LRRC2: variants seen among roughly 807,000 people sequenced by gnomAD.
LRRC2 encodes the protein leucine-rich repeat-containing protein 2.
In LRRC2, 27 loss-of-function variants were observed where a neutral mutation model predicts 40.2. The observed-to-expected ratio is 0.67, with a 90% CI of 0.49 to 0.93. The LOEUF is 0.93. Ranked by LOEUF, LRRC2 falls within the 40% of genes least tolerant of loss-of-function variation. The probability of loss-of-function intolerance (pLI) is 0.00; values close to 1 mark genes in which losing one functional copy is unlikely to be tolerated. For synonymous variants in LRRC2, 147 were observed against 158.9 expected (o/e 0.92, Z 0.56); for missense variants, 402 against 439.6 (o/e 0.91, Z 0.76).
chr3:46,551,711 G>T, intron 1 of LRRC2, 101 bp from the exon 2 acceptor site: 1 of 721,526 alleles, frequency 1.4e-6, no homozygotes, highest in Non-Finnish European at 2.0e-6. Flanking sequence ...TTGGCTTAAG[G>T]AATGATGATA....
rs1189312354 is a variant in LRRC2 at position 46,532,878 on chromosome 3, C to T, written c.522G>A (p.Val174=). The T allele has an allele frequency of 3.1e-6, 5 of 1,613,928 alleles. No individual in the cohort carries two copies. The highest frequency in any genetic ancestry group is 4.2e-6 in the Non-Finnish European group (5 of 1,179,916). The part of the protein sequence containing the change: ...GCLKNLKELN[V]GFNYLKSIPP... ...GAATGCTCTTCAGATAGTTGAAACC[C>T]ACATTGAGTTCTTTCAGGTTCTTCA... The change falls in exon 5 of 9, where the codon GTG becomes GTA. Residue 174 remains valine (V), a synonymous_variant. Transcript: ENST00000395905.
At chr3:46,565,741 G>A (rs1040225256) in intron 1 of LRRC2, among the ~76,000 whole-genome samples, 9 of 152,216 alleles carry the variant, frequency 5.9e-5, no homozygotes, top group African/African-American at 2.2e-4. Flanking sequence ...GACGCTGGAA[G>A]AAAAGACTTC....
chr3:46,528,189 G>A (rs981304779), intron 6 of LRRC2, among the ~76,000 whole-genome samples: 9 of 152,118 alleles, frequency 5.9e-5, no homozygotes, highest in African/African-American at 2.2e-4. Flanking sequence ...TGTCCCTTCC[G>A]AGAGTCTACT....
intron 3 of LRRC2, among the ~76,000 whole-genome samples, chr3:46,542,526 A>G (rs1205073501): frequency 1.4e-5 from 2 of 138,834 alleles, no homozygotes; most frequent in African/African-American, 5.2e-5. Flanking sequence ...AAAAAAGAAG[A>G]AAAGAAAAAA....
At chr3:46,528,120 G>C (rs1704091782) in intron 6 of LRRC2, among the ~76,000 whole-genome samples, 1 of 152,176 alleles carries the variant, frequency 6.6e-6, no homozygotes, top group South Asian at 2.1e-4. Context: ...AGCTATAGCA[G>C]CGGGATAAGC....
intron 2 of LRRC2, among the ~76,000 whole-genome samples, chr3:46,548,450 TA>T (rs1427376516): frequency 6.6e-6 from 1 of 152,202 alleles, no homozygotes; most frequent in African/African-American, 2.4e-5. Context: ...TTAAAATAAA[TA>T]AAATTCGTTG....
At chr3:46,541,761 C>T (rs940993179) in intron 3 of LRRC2, among the ~76,000 whole-genome samples, 3 of 152,126 alleles carry the variant, frequency 2.0e-5, no homozygotes, top group African/African-American at 7.2e-5. Flanking sequence ...AGAACCTTGA[C>T]CCCCATCCAT....
intron 1 of LRRC2, among the ~76,000 whole-genome samples, chr3:46,555,782 A>G (rs1455189380): frequency 6.6e-6 from 1 of 152,220 alleles, no homozygotes; most frequent in African/African-American, 2.4e-5. Context: ...TGATATTTAT[A>G]TGTTCCTGTT....
In LRRC2 at chr3:46,517,457, T is replaced by TG. The variant is rs895064564; in HGVS notation, c.*1556dup. 1 of 152,200 alleles carries TG rather than the reference T, an allele frequency of 6.6e-6. No individual in the cohort carries two copies. The highest frequency in any genetic ancestry group is 6.5e-5 in the Admixed American group (1 of 15,272). The allele number at this position is 152,200 out of a possible 1,614,324, so 9.4% of individuals were successfully genotyped here. A position where few individuals can be genotyped will look rare whatever the true frequency, so the allele number is the denominator to read the frequency against. On this transcript the variant is annotated 3_prime_UTR_variant, in exon 9 of 9. Coordinates refer to ENST00000395905, the MANE Select transcript of LRRC2 (RefSeq NM_024512.5). ...TTCCCACCTCAGCCTCCTGAGTAGC[T>TG]GGGACCACAGGCACATGCCACCACA...
At chr3:46,549,189 T>A (rs1258027967) in intron 2 of LRRC2, among the ~76,000 whole-genome samples, 1 of 152,240 alleles carries the variant, frequency 6.6e-6, no homozygotes, top group Non-Finnish European at 1.5e-5. Flanking sequence ...CTAGGAGGTT[T>A]TATTTGTTTC....
At chr3:46,546,570 C>T (rs1704529015) in intron 2 of LRRC2, among the ~76,000 whole-genome samples, 3 of 152,178 alleles carry the variant, frequency 2.0e-5, no homozygotes, top group Admixed American at 2.0e-4. Flanking sequence ...TTGACTTTGA[C>T]TAAGCTATTT....
rs1411621973 is a variant in LRRC2, at chr3:46,520,311, C to T, written c.1066+1211G>A. On this transcript the variant is annotated intron_variant, in intron 8 of 8. Transcript: ENST00000395905. ...TCTTTCTTGGAGTTTTACATAATAG[C>T]ACTACAATATAATTACGAATAAATA... Among the ~76,000 whole-genome samples, 4 of 151,476 alleles carry T rather than the reference C, an allele frequency of 2.6e-5. No individual in the cohort carries two copies. The South Asian group carries it at 8.3e-4, about 31-fold the overall frequency.
chr3:46,531,565 T>C (rs576910749), intron 5 of LRRC2, among the ~76,000 whole-genome samples: 2 of 152,234 alleles, frequency 1.3e-5, no homozygotes, highest in African/African-American at 4.8e-5. Context: ...GGATTGGATA[T>C]GGCACATGGG....
intron 4 of LRRC2, among the ~76,000 whole-genome samples, chr3:46,534,639 AT>A (rs910504087): frequency 8.5e-5 from 13 of 152,144 alleles, no homozygotes; most frequent in Non-Finnish European, 1.8e-4. Flanking sequence ...AATCCATATA[AT>A]GATAATTTCT....
chr3:46,538,702 A>G (rs1031487010), intron 4 of LRRC2, among the ~76,000 whole-genome samples: 1 of 152,262 alleles, frequency 6.6e-6, no homozygotes, highest in African/African-American at 2.4e-5. Flanking sequence ...TATAAGAGCA[A>G]TACATTACAT....
intron 3 of LRRC2, 111 bp from the exon 4 acceptor site, chr3:46,539,312 A>G: frequency 1.9e-6 from 2 of 1,046,736 alleles, no homozygotes; most frequent in Non-Finnish European, 1.4e-6. Flanking sequence ...ACACGAGAGC[A>G]TAAAACTTAA....
intron 2 of LRRC2, 29 bp downstream of exon 2, chr3:46,551,438 C>T (rs201779858): frequency 1.5e-4 from 238 of 1,606,510 alleles, no homozygotes; most frequent in South Asian, 1.1e-3. Flanking sequence ...ACCAAACAAG[C>T]TACAAGACTA....
At chr3:46,553,026 C>A (rs1490778400) in intron 1 of LRRC2, among the ~76,000 whole-genome samples, 1 of 152,180 alleles carries the variant, frequency 6.6e-6, no homozygotes, top group Non-Finnish European at 1.5e-5. Flanking sequence ...ACATGGTAGG[C>A]CCTCCATAAA....
chr3:46,526,208 C>T (rs772396316), intron 7 of LRRC2, among the ~76,000 whole-genome samples: 19 of 152,136 alleles, frequency 1.2e-4, no homozygotes, highest in Non-Finnish European at 2.1e-4. Flanking sequence ...AATCAGTAAG[C>T]TATTAAATAT....
Sources: gnomAD v4.1 joint callset for allele counts (sites outside exome capture counted in the v4.1 genomes callset) on GRCh38, gnomAD v4.1.1 for gene constraint, MANE v1.5 for transcripts, NCBI Gene and HGNC (gene_info 2026-07-23, HGNC 2026-07-21) for gene names.